C7orf57: variants seen among roughly 807,000 people sequenced by gnomAD.
The protein encoded by C7orf57 is uncharacterized protein C7orf57.
Under a neutral mutation model 39.0 loss-of-function variants are expected in C7orf57, and 33 were observed. The observed-to-expected ratio is 0.85, with a 90% confidence interval of 0.64 to 1.13. The LOEUF is 1.13. C7orf57 is among the 50% of genes most tolerant of loss of function. The pLI, the probability that C7orf57 is intolerant of heterozygous loss-of-function variation, is 0.00. For synonymous variants in C7orf57, 124 were observed against 137.1 expected, an observed-to-expected ratio of 0.90 and a Z score of 0.67; for missense variants, 346 against 362.3, an observed-to-expected ratio of 0.95 and a Z score of 0.37.
chr7:48,042,752 A>G (rs1444588555), intron 3 of C7orf57, among the ~76,000 whole-genome samples: 3 of 152,086 alleles, frequency 2.0e-5, no homozygotes, highest in Non-Finnish European at 4.4e-5. Flanking sequence ...GTTGTCTGCT[A>G]CTGCCACAGG....
intron 8 of C7orf57, among the ~76,000 whole-genome samples, chr7:48,055,111 C>T (rs1282179962): frequency 6.6e-6 from 1 of 152,106 alleles, no homozygotes; most frequent in Non-Finnish European, 1.5e-5. Flanking sequence ...CTCCTGACCT[C>T]GTGATCCACC....
chr7:48,054,718 C>T lies in C7orf57; in HGVS notation c.841+112C>T, dbSNP rs200363113. The T allele has an allele frequency of 3.2e-5, 26 of 824,302 alleles. No homozygotes were observed. In the Admixed American group the frequency reaches 6.5e-4, roughly 20 times the overall value. The allele number at this position is 824,302 out of a possible 1,614,324, so 51.1% of individuals were successfully genotyped here. A position where few individuals can be genotyped will look rare whatever the true frequency, so the allele number is the denominator to read the frequency against. Reference sequence around the variant, plus strand: ...CAGCCTCTAGGCAGCCTGGAATGTCCTTCTCCAAACTGCATGCATTCTGAC... The same window carrying T: ...CAGCCTCTAGGCAGCCTGGAATGTCTTTCTCCAAACTGCATGCATTCTGAC... On this transcript the variant is annotated intron_variant, in intron 8 of 8. Coordinates refer to ENST00000348904, the MANE Select transcript of C7orf57 (RefSeq NM_001100159.3).
At chr7:48,039,312 A>G (rs1790476822) in intron 2 of C7orf57, among the ~76,000 whole-genome samples, 1 of 152,244 alleles carries the variant, frequency 6.6e-6, no homozygotes, top group Admixed American at 6.5e-5. Context: ...TGACTGCCAC[A>G]GAGAGTCTGT....
intron 5 of C7orf57, among the ~76,000 whole-genome samples, chr7:48,049,029 C>A (rs548807324): frequency 2.6e-5 from 4 of 152,108 alleles, no homozygotes; most frequent in Non-Finnish European, 4.4e-5. Flanking sequence ...AGTTAACCCC[C>A]CTCCGGGCTG....
chr7:48,040,304 G>C (rs182160688), intron 2 of C7orf57, among the ~76,000 whole-genome samples: 9 of 152,290 alleles, frequency 5.9e-5, no homozygotes, highest in Admixed American at 2.0e-4. Flanking sequence ...ACAGAGAACC[G>C]CTCTCTTCCT....
intron 8 of C7orf57, among the ~76,000 whole-genome samples, chr7:48,059,396 C>T (rs986318788): frequency 2.6e-5 from 4 of 152,094 alleles, no homozygotes; most frequent in Admixed American, 2.0e-4. Context: ...TGTTGCCGGG[C>T]CTGGAGTGTA....
intron 4 of C7orf57, among the ~76,000 whole-genome samples, 195 bp from the exon 5 acceptor site, chr7:48,046,265 A>G (rs1583809723): frequency 6.6e-6 from 1 of 151,592 alleles, no homozygotes; most frequent in East Asian, 2.0e-4. Context: ...GAGGAAGAGG[A>G]AAAGAGAGAA....
chr7:48,049,752 G>A (rs1790818439), intron 5 of C7orf57, 128 bp from the exon 6 acceptor site: 1 of 644,030 alleles, frequency 1.6e-6, no homozygotes, highest in Non-Finnish European at 2.8e-6. Flanking sequence ...TTTATTGTGA[G>A]CATTTACAAT....
At chr7:48,052,182 C>A (rs7789385) in intron 6 of C7orf57, among the ~76,000 whole-genome samples, 46,739 of 151,590 alleles carry the variant, frequency 0.31, 7,773 homozygotes, top group Middle Eastern at 0.54. Flanking sequence ...CCAGGTTGAC[C>A]AGGATGGCCT....
Position 48,041,453 on chromosome 7 carries a change from C to T in C7orf57, c.175C>T (p.Arg59Trp), listed in dbSNP as rs773201141. ...DSHSENLPGTRRYWIKETDSE... is the reference protein window; with the variant it reads ...DSHSENLPGTWRYWIKETDSE... ...ACACAGCGAGAACCTGCCTGGGACT[C>T]GGAGATACTGGATAAAAGAAACAGA... The change falls in exon 3 of 9, where the codon CGG becomes TGG. Residue 59 changes from arginine to tryptophan, a missense_variant. Transcript: ENST00000348904. 5.0e-6 allele frequency: 8 copies of T among 1,613,522 alleles called. No homozygotes were observed. The highest frequency in any genetic ancestry group is 4.5e-5 in the East Asian group (2 of 44,870).
chr7:48,038,900 T>C (rs533946147), intron 2 of C7orf57, among the ~76,000 whole-genome samples: 163 of 152,176 alleles, frequency 1.1e-3, no homozygotes, highest in Non-Finnish European at 1.8e-3. Context: ...ATAGGTGGAT[T>C]TAAAGGTTTT....
intron 6 of C7orf57, among the ~76,000 whole-genome samples, chr7:48,052,381 T>C (rs1790980134): frequency 8.0e-6 from 1 of 125,034 alleles, no homozygotes; most frequent in Admixed American, 8.3e-5. Flanking sequence ...ATACTAGAAT[T>C]ATTACTAATT....
intron 2 of C7orf57, 92 bp downstream of exon 2, chr7:48,036,455 G>C: frequency 8.3e-7 from 1 of 1,205,524 alleles, no homozygotes; most frequent in Non-Finnish European, 1.1e-6. Context: ...TCCTCTATGT[G>C]GGCTGGAGGG....
chr7:48,052,148 A>G (rs1406371463), intron 6 of C7orf57, among the ~76,000 whole-genome samples: 2 of 151,290 alleles, frequency 1.3e-5, no homozygotes, highest in South Asian at 2.1e-4. Flanking sequence ...TAATTTTTGT[A>G]TTTTTCGTGG....
intron 4 of C7orf57, among the ~76,000 whole-genome samples, chr7:48,045,696 G>C (rs1790694589): frequency 6.6e-6 from 1 of 152,138 alleles, no homozygotes; most frequent in African/African-American, 2.4e-5. Flanking sequence ...ACTGCATGGG[G>C]GGTTTGTGTT....
At chr7:48,051,726 C>CTTTCTTTT (rs144680412) in intron 6 of C7orf57, among the ~76,000 whole-genome samples, 1 of 97,336 alleles carries the variant, frequency 1.0e-5, no homozygotes, top group Non-Finnish European at 2.2e-5. Flanking sequence ...TTCTTTCTTT[C>CTTTCTTTT]TCTTTTTCTT....
At chr7:48,057,860 A>G (rs752126099) in intron 8 of C7orf57, among the ~76,000 whole-genome samples, 1 of 152,144 alleles carries the variant, frequency 6.6e-6, no homozygotes, top group Non-Finnish European at 1.5e-5. Flanking sequence ...CACTTTTCCT[A>G]CATCTATTAA....
chr7:48,043,920 C>G (rs1455179152), intron 4 of C7orf57, among the ~76,000 whole-genome samples: 1 of 151,980 alleles, frequency 6.6e-6, no homozygotes, highest in Non-Finnish European at 1.5e-5. Flanking sequence ...TGGTGGGCTG[C>G]TCTCAAGATG....
rs202142299 is a variant in C7orf57 at position 48,043,584 on chromosome 7, G to T, written c.345G>T (p.Gln115His). ...IHHSKPPTAS[Q>H]QEVRAVSMPD... The stretch of plus-strand genomic sequence containing the variant: ...ACAGCAAGCCACCGACAGCCAGCCA[G>T]CAAGAGTAAGTACCTTAAAGCACTC... The change falls in exon 4 of 9, where the codon CAG (glutamine) becomes CAT (histidine). Residue 115 changes from glutamine (Q) to histidine (H), a missense_variant. Coordinates refer to ENST00000348904, the MANE Select transcript of C7orf57 (RefSeq NM_001100159.3). The T allele has an allele frequency of 1.1e-3, 1,767 of 1,612,970 alleles. 1 individual carries two copies. The highest frequency in any genetic ancestry group is 1.4e-3 in the Non-Finnish European group (1,644 of 1,179,170).
Sources: allele counts gnomAD v4.1 joint callset (sites outside exome capture counted in the v4.1 genomes callset), GRCh38; gene constraint gnomAD v4.1.1; transcripts MANE v1.5; gene names NCBI Gene and HGNC (gene_info 2026-07-23, HGNC 2026-07-21).